ECE2: variants seen among roughly 807,000 people sequenced by gnomAD.
The protein encoded by ECE2 is endothelin converting enzyme 2.
Under a neutral mutation model 100.6 loss-of-function variants are expected in ECE2, and 81 were observed. That is an observed-to-expected ratio of 0.81 (90% CI 0.67 to 0.97). The LOEUF is 0.97. Ranked by LOEUF, ECE2 falls within the 50% of genes least tolerant of loss-of-function variation. The probability of loss-of-function intolerance (pLI) is 0.00; values close to 1 mark genes in which losing one functional copy is unlikely to be tolerated. For missense variants in ECE2, 911 were observed against 988.1 expected, an observed-to-expected ratio of 0.92 and a Z score of 1.05; for synonymous variants, 391 against 391.5, an observed-to-expected ratio of 1.00 and a Z score of 0.02.
At chr3:184,280,580 G>A (rs1008065290) in intron 7 of ECE2, among the ~76,000 whole-genome samples, 3 of 152,158 alleles carry the variant, frequency 2.0e-5, no homozygotes, top group African/African-American at 7.2e-5. Context: ...GCCAGGCAGG[G>A]TGTCTGTAAT....
At position 184,292,130 on chromosome 3, in the gene ECE2, C is replaced by T. The variant is rs1459505413; in HGVS notation, c.2190C>T (p.Ala730=). 1.2e-6 allele frequency: 2 copies of T among 1,613,888 alleles called. No individual in the cohort carries two copies. Among genetic ancestry groups the T allele is most frequent in the Admixed American group, 3.3e-5 (2 of 60,004 alleles). The change falls in exon 19 of 19, where the codon GCC becomes GCT. Residue 730 remains alanine (A), a synonymous_variant. Transcript: ENST00000404464. ...TGGTGACCGACCCCCACAGCCCTGCCCGCTTCCGCGTGCTGGGCACTCTCT... is the reference window on the plus strand; with the variant it reads ...TGGTGACCGACCCCCACAGCCCTGCTCGCTTCCGCGTGCTGGGCACTCTCT... ...EGLVTDPHSP[A]RFRVLGTLSN...
chr3:184,283,877 G>A lies in ECE2; in HGVS notation c.909G>A (p.Leu303=), dbSNP rs1202886581. 4.3e-6 allele frequency: 7 copies of A among 1,614,014 alleles called. 1 individual carries two copies. In the South Asian group the frequency reaches 6.6e-5, roughly 15 times the overall value. The change falls in exon 8 of 19, where the codon CTG becomes CTA. Residue 303 remains leucine (L), a synonymous_variant. Coordinates refer to ENST00000404464, the MANE Select transcript of ECE2 (RefSeq NM_001100121.2). ...CGAGGGAGCAGATGCAGCAGGTGCTGGAGTTGGAGATACAGCTGGCCAACA... is the reference window on the plus strand; with the variant it reads ...CGAGGGAGCAGATGCAGCAGGTGCTAGAGTTGGAGATACAGCTGGCCAACA... ...TSTREQMQQV[L]ELEIQLANIT...
chr3:184,288,309 C>CAAAAA (rs10608428), intron 11 of ECE2, among the ~76,000 whole-genome samples: 171 of 91,164 alleles, frequency 1.9e-3, no homozygotes, highest in Non-Finnish European at 2.6e-3. Flanking sequence ...AACTCTGTCT[C>CAAAAA]AAAAAAAAAA....
At chr3:184,278,096 G>A in intron 5 of ECE2, 47 bp downstream of exon 5, 1 of 1,613,474 alleles carries the variant, frequency 6.2e-7, no homozygotes, top group South Asian at 1.1e-5. Context: ...GAGAGGCCTT[G>A]AGAGAGGAGA....
rs187670111 is a variant in ECE2 at position 184,291,909 on chromosome 3, A to G, written c.2122-153A>G. The stretch of plus-strand genomic sequence containing the variant: ...TCCGCTTTTTCCCCTCGTCATGTCC[A>G]TGCTGGGCAACCCGATGTCCAGGGC... On this transcript the variant is annotated intron_variant, in intron 18 of 18. Transcript: ENST00000404464. The surrounding 1 kb of genome is among the most constrained non-coding windows in gnomAD (Gnocchi z 4.1). 9 of 828,076 alleles carry G rather than the reference A, an allele frequency of 1.1e-5. No homozygotes were observed. The African/African-American group carries it at 1.5e-4, about 14-fold the overall frequency. The allele number at this position is 828,076 out of a possible 1,614,324, so 51.3% of individuals were successfully genotyped here.
At chr3:184,277,086 G>A in intron 3 of ECE2, 59 bp downstream of exon 3, 1 of 1,608,906 alleles carries the variant, frequency 6.2e-7, no homozygotes, top group Non-Finnish European at 8.5e-7. Context: ...AGGCCTAAGG[G>A]CCTCTAAGAT....
chr3:184,281,262 G>A (rs904451813), intron 7 of ECE2, among the ~76,000 whole-genome samples: 3 of 152,184 alleles, frequency 2.0e-5, no homozygotes, highest in Non-Finnish European at 2.9e-5. Context: ...AAAACAGTTC[G>A]CTACACAGTT....
Position 184,277,139 on chromosome 3 carries a change from G to A in ECE2, c.262+112G>A, listed in dbSNP as rs79792260. The A allele has an allele frequency of 5.6e-3, 8,888 of 1,599,690 alleles. 399 individuals carry two copies. In the African/African-American group the frequency reaches 0.1, roughly 19 times the overall value. ...AAGCCTTCCCTGCAGAAAAGCCCCC[G>A]GCTTTGCTTTCTCTTCCCAACCTTC... On this transcript the variant is annotated intron_variant, in intron 3 of 18. Coordinates refer to ENST00000404464, the MANE Select transcript of ECE2 (RefSeq NM_001100121.2).
rs767686541 is a variant in ECE2, at chr3:184,276,488, A to G, written c.47A>G (p.Glu16Gly). The change falls in exon 2 of 19, where the codon GAG becomes GGG. Residue 16 changes from glutamate (E) to glycine (G), a missense_variant. Transcript: ENST00000404464. ...QELGAGSNMV[E>G]YKRATLRDED... ...ACCCCGACTGTCTGGCAGATGGTGGAGTACAAACGGGCCACGCTTCGGGAT... is the reference window on the plus strand; with the variant it reads ...ACCCCGACTGTCTGGCAGATGGTGGGGTACAAACGGGCCACGCTTCGGGAT... The G allele has an allele frequency of 1.2e-6, 2 of 1,609,374 alleles. No homozygotes were observed. Among genetic ancestry groups the G allele is most frequent in the Admixed American group, 1.7e-5 (1 of 59,656 alleles).
At chr3:184,280,865 G>A (rs567893896) in intron 7 of ECE2, among the ~76,000 whole-genome samples, 2 of 152,182 alleles carry the variant, frequency 1.3e-5, no homozygotes, top group African/African-American at 4.8e-5. Context: ...TGTAATCCCA[G>A]CTACTTGGAA....
rs781718047 is a variant in ECE2, at chr3:184,287,875, G to A, written c.1302G>A (p.Thr434=). 2.1e-5 allele frequency: 34 copies of A among 1,614,074 alleles called. No homozygotes were observed. The highest frequency in any genetic ancestry group is 8.8e-5 in the South Asian group (8 of 91,090). Residue 434 remains threonine (T), a synonymous_variant, in exon 11 of 19, where the codon ACG becomes ACA. Transcript: ENST00000404464. ...VPRWQTCISN[T]DDALGFALGS... is the part of the protein sequence containing the mutation. ...GGTGGCAGACCTGCATCTCCAACAC[G>A]GATGACGCCCTTGGCTTTGCTTTGG...
Position 184,291,071 on chromosome 3 carries a change from G to T in ECE2, c.1866G>T (p.Arg622=). ...AGTATGACAAAGAAGGGAACCTGCG[G>T]CCCTGGTGGCAGAATGAGTCCCTGG... is the stretch of plus-strand genomic sequence containing the variant. The part of the protein sequence containing the change: ...GREYDKEGNL[R]PWWQNESLAA... The change falls in exon 17 of 19, where the codon CGG becomes CGT. Residue 622 remains arginine (R), a synonymous_variant. Coordinates refer to ENST00000404464, the MANE Select transcript of ECE2 (RefSeq NM_001100121.2). This position sits in a 1 kb window ranked among gnomAD's most constrained non-coding sequence, Gnocchi z 4.1. 6.3e-7 allele frequency: 1 copy of T among 1,583,604 alleles called. No individual in the cohort carries two copies. The highest frequency in any genetic ancestry group is 8.6e-7 in the Non-Finnish European group (1 of 1,163,074).
intron 11 of ECE2, among the ~76,000 whole-genome samples, 170 bp downstream of exon 11, chr3:184,288,117 T>C (rs879702300): frequency 1.6e-4 from 24 of 152,036 alleles, no homozygotes; most frequent in Non-Finnish European, 2.9e-5. Context: ...GAGACCAGCC[T>C]GGCCAACATG....
chr3:184,276,081 GGGGACCGGGGCCGCGGCCC>G lies in ECE2; in HGVS notation c.-68_-50del. 8.1e-7 allele frequency: 1 copy of G among 1,234,474 alleles called. No individual in the cohort carries two copies. Among genetic ancestry groups the G allele is most frequent in the Non-Finnish European group, 1.0e-6 (1 of 989,016 alleles). 76.5% of individuals were successfully genotyped at this position (1,234,474 alleles called of 1,614,324 possible). On this transcript the variant is annotated 5_prime_UTR_variant, in exon 1 of 19. An upstream open reading frame in the 5' UTR loses its in-frame stop. Transcript: ENST00000404464. The stretch of plus-strand genomic sequence containing the variant: ...TGGCTGGTGACGGCGGGGCCGGGCA[GGGGACCGGGGCCGCGGCCC>G]GGGAGCGGGCCAGCTGCCGGGAGCC...
chr3:184,290,816 G>T lies in ECE2; in HGVS notation c.1790G>T (p.Gly597Val). Residue 597 changes from glycine (G) to valine (V), a missense_variant, in exon 16 of 19, where the codon GGT (glycine) becomes GTT (valine). Physicochemically the swap from Gly to Val is moderately radical, Grantham distance 109. Transcript: ENST00000404464. ...HPKALNFGGI[G>V]VVMGHELTHA... ...AGGGCCCTGAACTTCGGTGGCATCG[G>T]TGTGGTCATGGGCCATGAGTTGACG... 1 of 1,614,204 alleles carries T rather than the reference G, an allele frequency of 6.2e-7. No individual in the cohort carries two copies. Among genetic ancestry groups the T allele is most frequent in the Non-Finnish European group, 8.5e-7 (1 of 1,180,036 alleles).
At chr3:184,276,695 C>T in intron 2 of ECE2, 128 bp downstream of exon 2, 2 of 1,546,834 alleles carry the variant, frequency 1.3e-6, no homozygotes, top group Non-Finnish European at 1.7e-6. Flanking sequence ...GGCCTCTGCT[C>T]TAGGACTATG....
At chr3:184,290,201 T>G in intron 13 of ECE2, 54 bp from the exon 14 acceptor site, 1 of 1,459,770 alleles carries the variant, frequency 6.9e-7, no homozygotes, top group Non-Finnish European at 9.5e-7. Flanking sequence ...CTGGCGCTAT[T>G]ATCTTCTCCA....
At chr3:184,290,535 C>T in intron 14 of ECE2, 22 bp from the exon 15 acceptor site, 1 of 1,608,014 alleles carries the variant, frequency 6.2e-7, no homozygotes, top group African/African-American at 1.3e-5. Flanking sequence ...GGAGCCTCAG[C>T]CCCTCACTCT....
intron 4 of ECE2, 84 bp downstream of exon 4, chr3:184,277,550 G>A: frequency 2.1e-6 from 3 of 1,432,374 alleles, no homozygotes; most frequent in Non-Finnish European, 2.9e-6. Context: ...AATAGGCAGT[G>A]TCCATGAATG....
Sources: gnomAD v4.1 joint callset for allele counts (sites outside exome capture counted in the v4.1 genomes callset) on GRCh38, gnomAD v4.1.1 for gene constraint, Gnocchi (gnomAD v3.1) non-coding constraint, MANE v1.5 for transcripts, NCBI Gene and HGNC (gene_info 2026-07-23, HGNC 2026-07-21) for gene names.